The following RB1 variants were observed in gnomAD, a reference collection of about 807,000 sequenced individuals.
RB1 encodes retinoblastoma-associated protein.
In RB1, 18 loss-of-function variants were observed where a neutral mutation model predicts 135.4. The ratio of observed to expected loss-of-function variants is 0.13; its 90% CI spans 0.09 to 0.20. RB1 has a LOEUF of 0.20. Among genes scored for constraint, RB1 ranks in the 10% least tolerant of loss-of-function variants. The pLI is 1.00. For synonymous variants in RB1, 365 were observed against 373.2 expected (o/e 0.98, Z 0.25); for missense variants, 868 against 1,110.0 (o/e 0.78, Z 3.10).
chr13:48,351,452 T>C lies in RB1; in HGVS notation c.607+2429T>C, dbSNP rs1053439291. ...GGGTTGGTTTTTTTTCTCTTGCAAA[T>C]TTGTCTAAATTCCTTATAAATGCTG... On this transcript the variant is annotated intron_variant, in intron 6 of 26. Coordinates refer to ENST00000267163, the MANE Select transcript of RB1 (RefSeq NM_000321.3). Among the ~76,000 whole-genome samples, 4 of 152,268 alleles carry C rather than the reference T, an allele frequency of 2.6e-5. No individual in the cohort carries two copies. In the East Asian group the frequency reaches 7.7e-4, roughly 29 times the overall value.
intron 20 of RB1, 27 bp downstream of exon 20, chr13:48,459,860 T>C: frequency 1.3e-6 from 2 of 1,576,384 alleles, no homozygotes; most frequent in East Asian, 2.3e-5. Context: ...CTTCACCTTC[T>C]CTCCTCCCTA....
At chr13:48,455,091 T>C (rs900121790) in intron 18 of RB1, among the ~76,000 whole-genome samples, 2 of 152,140 alleles carry the variant, frequency 1.3e-5, no homozygotes, top group Admixed American at 1.3e-4. Flanking sequence ...GGTATGGTAT[T>C]AGAAATAGAA....
chr13:48,440,383 T>C (rs906345310), intron 17 of RB1, among the ~76,000 whole-genome samples: 41 of 152,220 alleles, frequency 2.7e-4, no homozygotes, highest in Admixed American at 2.6e-3. Context: ...TGAAGACATC[T>C]TTCTTTTATG....
intron 5 of RB1, among the ~76,000 whole-genome samples, chr13:48,348,491 T>C (rs1339948433): frequency 2.0e-5 from 3 of 151,748 alleles, no homozygotes; most frequent in African/African-American, 7.2e-5. Context: ...ACTAAAGTCA[T>C]CCAAACCTTC....
intron 23 of RB1, among the ~76,000 whole-genome samples, chr13:48,472,494 A>G (rs1949477301): frequency 6.6e-6 from 1 of 152,148 alleles, no homozygotes; most frequent in African/African-American, 2.4e-5. Flanking sequence ...ATGCCACTAT[A>G]TGAAAATGTA....
At chr13:48,379,820 C>T (rs1001370606) in intron 14 of RB1, among the ~76,000 whole-genome samples, 170 bp downstream of exon 14, 6 of 151,458 alleles carry the variant, frequency 4.0e-5, no homozygotes, top group Non-Finnish European at 7.4e-5. Context: ...ATTAGCTGGG[C>T]GTGGTGGTGT....
At chr13:48,333,564 A>T (rs1410586600) in intron 2 of RB1, among the ~76,000 whole-genome samples, 1 of 151,882 alleles carries the variant, frequency 6.6e-6, no homozygotes, top group African/African-American at 2.4e-5. Flanking sequence ...GAGGTCTGTA[A>T]TGTCGTTCTT....
chr13:48,441,759 T>A (rs1242921843), intron 17 of RB1, among the ~76,000 whole-genome samples: 1 of 149,694 alleles, frequency 6.7e-6, no homozygotes, highest in Non-Finnish European at 1.5e-5. Flanking sequence ...ATTATATATA[T>A]GGGTAAAGGG....
At chr13:48,398,138 T>C (rs771421458) in intron 17 of RB1, among the ~76,000 whole-genome samples, 40 of 152,306 alleles carry the variant, frequency 2.6e-4, no homozygotes, top group South Asian at 1.2e-3. Flanking sequence ...GATAAAGCAA[T>C]TATGCTATAT....
chr13:48,440,169 T>C (rs1949223159), intron 17 of RB1, among the ~76,000 whole-genome samples: 1 of 152,168 alleles, frequency 6.6e-6, no homozygotes, highest in Admixed American at 6.5e-5. Flanking sequence ...TAAAGCTTCC[T>C]TGGGGACTCT....
In RB1 at chr13:48,384,431, G is replaced by A. The variant is rs559877047; in HGVS notation, c.1695+2988G>A. On this transcript the variant is annotated intron_variant, in intron 17 of 26. Transcript: ENST00000267163. Reference sequence around the variant, plus strand: ...AGGGATATGGCATAGATACATTTGCGTTTTCACAGACTTTTTTTTAAAATT... The same window carrying A: ...AGGGATATGGCATAGATACATTTGCATTTTCACAGACTTTTTTTTAAAATT... Among the ~76,000 whole-genome samples the A allele has an allele frequency of 3.4e-4, 51 of 152,126 alleles. 1 individual carries two copies. The South Asian group carries it at 6.7e-3, about 20-fold the overall frequency.
At chr13:48,384,859 T>C (rs1948561075) in intron 17 of RB1, among the ~76,000 whole-genome samples, 1 of 152,118 alleles carries the variant, frequency 6.6e-6, no homozygotes, top group African/African-American at 2.4e-5. Flanking sequence ...GGGCAATATA[T>C]GAGTGTAAGA....
rs2138091470 is a variant in RB1 at position 48,347,805 on chromosome 13, C to A, written c.501-20C>A. On this transcript the variant is annotated intron_variant, in intron 4 of 26. Transcript: ENST00000267163. Reference sequence around the variant, plus strand: ...AAATTACGAAAAAATGTTAAAAAGTCATAATGTTTTTCTTTTCAGGACATG... The same window carrying A: ...AAATTACGAAAAAATGTTAAAAAGTAATAATGTTTTTCTTTTCAGGACATG... The A allele has an allele frequency of 6.4e-7, 1 of 1,552,198 alleles. No individual in the cohort carries two copies. The highest frequency in any genetic ancestry group is 8.9e-7 in the Non-Finnish European group (1 of 1,127,106).
intron 10 of RB1, 78 bp downstream of exon 10, chr13:48,367,681 G>A: frequency 6.7e-7 from 1 of 1,496,926 alleles, no homozygotes. Flanking sequence ...ATAGTCTTTA[G>A]CTTAGTGACC....
chr13:48,332,955 A>G, intron 2 of RB1: 1 of 398,076 alleles, frequency 2.5e-6, no homozygotes, highest in Non-Finnish European at 4.4e-6. Context: ...AGAAAATAGA[A>G]CAATTATGAC....
At chr13:48,389,871 T>C (rs1474628124) in intron 17 of RB1, 1 of 152,268 alleles carries the variant, frequency 6.6e-6, no homozygotes, top group African/African-American at 2.4e-5. Flanking sequence ...AACAGGATAT[T>C]TGGCAGGGTG....
chr13:48,304,183 G>A lies in RB1; in HGVS notation c.137+134G>A, dbSNP rs1335393665. ...CCCGGCGGGAGGAGGCGCCCTCCCT[G>A]CCCCCCGCCACGGCGGAGCGTCTGC... is the stretch of plus-strand genomic sequence containing the variant. On this transcript the variant is annotated intron_variant, in intron 1 of 26. Coordinates refer to ENST00000267163, the MANE Select transcript of RB1 (RefSeq NM_000321.3). 10 of 995,656 alleles carry A rather than the reference G, an allele frequency of 1.0e-5. No individual in the cohort carries two copies. In the East Asian group the frequency reaches 3.0e-4, roughly 30 times the overall value. The allele number at this position is 995,656 out of a possible 1,614,324, so 61.7% of individuals were successfully genotyped here. A position where few individuals can be genotyped will look rare whatever the true frequency, so the allele number is the denominator to read the frequency against.
Position 48,480,207 on chromosome 13 carries a change from G to A in RB1, c.*136G>A. ...AGCTCTTTTTGTGGATATAAAATGT[G>A]CAGATGCAATTGTTTGGGTGATTCC... is the stretch of plus-strand genomic sequence containing the variant. On this transcript the variant is annotated 3_prime_UTR_variant, in exon 27 of 27. Transcript: ENST00000267163. 2.7e-6 allele frequency: 2 copies of A among 742,996 alleles called. No individual in the cohort carries two copies. Among genetic ancestry groups the A allele is most frequent in the Non-Finnish European group, 4.8e-6 (2 of 419,888 alleles). 46.0% of individuals were successfully genotyped at this position (742,996 alleles called of 1,614,324 possible).
At chr13:48,453,652 G>A (rs1949342686) in intron 18 of RB1, among the ~76,000 whole-genome samples, 1 of 152,202 alleles carries the variant, frequency 6.6e-6, no homozygotes, top group Non-Finnish European at 1.5e-5. Context: ...TTTTGCCAAA[G>A]TTAAGGACGT....
Sources: allele counts gnomAD v4.1 joint callset (sites outside exome capture counted in the v4.1 genomes callset), GRCh38; gene constraint gnomAD v4.1.1; transcripts MANE v1.5; gene names NCBI Gene and HGNC (gene_info 2026-07-23, HGNC 2026-07-21).